The following R3HCC1L variants were observed in gnomAD, a reference collection of about 807,000 sequenced individuals.
The protein encoded by R3HCC1L is R3H domain and coiled-coil containing 1 like.
A neutral mutation model predicts 59.9 loss-of-function variants in R3HCC1L; 51 were observed. The ratio of observed to expected loss-of-function variants is 0.85; its 90% CI spans 0.68 to 1.07. The LOEUF (loss-of-function observed/expected upper bound fraction) is 1.07, where lower values mean the gene tolerates loss of function less well. R3HCC1L is among the 50% of genes least tolerant of loss of function. The pLI, the probability that R3HCC1L is intolerant of heterozygous loss-of-function variation, is 0.00. For synonymous variants in R3HCC1L, 322 were observed against 315.2 expected, an observed-to-expected ratio of 1.02 and a Z score of -0.23; for missense variants, 965 against 933.0, an observed-to-expected ratio of 1.03 and a Z score of -0.45.
intron 2 of R3HCC1L, among the ~76,000 whole-genome samples, chr10:98,162,670 GTT>G (rs1192536749): frequency 2.7e-5 from 4 of 147,636 alleles, no homozygotes; most frequent in East Asian, 1.9e-4. Flanking sequence ...GTGTGTGTGT[GTT>G]TGTGTGTGTG....
At position 98,142,800 on chromosome 10, in the gene R3HCC1L, C is replaced by T. The variant is rs537068858; in HGVS notation, c.-268+8094C>T. On this transcript the variant is annotated intron_variant, in intron 1 of 9. Coordinates refer to ENST00000298999, the MANE Select transcript of R3HCC1L (RefSeq NM_001351015.2). ...AAATACAAAAATTAGCCAGGTCTGGCGACATGTGCCTGTAGTCCCAGCTAC... is the reference window on the plus strand; with the variant it reads ...AAATACAAAAATTAGCCAGGTCTGGTGACATGTGCCTGTAGTCCCAGCTAC... Among the ~76,000 whole-genome samples the T allele has an allele frequency of 5.3e-5, 8 of 151,736 alleles. No individual in the cohort carries two copies. The East Asian group carries it at 7.8e-4, about 15-fold the overall frequency.
intron 4 of R3HCC1L, among the ~76,000 whole-genome samples, chr10:98,164,643 C>T (rs942138726): frequency 3.9e-5 from 6 of 152,054 alleles, no homozygotes; most frequent in Non-Finnish European, 8.8e-5. Flanking sequence ...AAATGCTGTA[C>T]TAACACACTG....
chr10:98,174,470 G>A (rs1848801861), intron 4 of R3HCC1L: 1 of 678,048 alleles, frequency 1.5e-6, no homozygotes, highest in Non-Finnish European at 1.8e-6. Context: ...GCATATGAAA[G>A]ATACTATCTG....
intron 1 of R3HCC1L, among the ~76,000 whole-genome samples, chr10:98,149,761 A>G (rs541266611): frequency 2.4e-4 from 36 of 152,284 alleles, no homozygotes; most frequent in African/African-American, 7.5e-4. Context: ...AGAATGTTCC[A>G]TGTCTGGATG....
intron 5 of R3HCC1L, chr10:98,231,007 G>A (rs1252290470): frequency 2.4e-6 from 1 of 415,050 alleles, no homozygotes; most frequent in East Asian, 7.1e-5. Context: ...TTTGTAAGCT[G>A]TCTCCTCACC....
At chr10:98,212,370 C>CA (rs1189595972) in intron 5 of R3HCC1L, among the ~76,000 whole-genome samples, 12 of 152,280 alleles carry the variant, frequency 7.9e-5, no homozygotes, top group African/African-American at 2.9e-4. Flanking sequence ...AGCAGCTAGA[C>CA]ATATGGAGGT....
At chr10:98,142,288 A>G (rs768969043) in intron 1 of R3HCC1L, among the ~76,000 whole-genome samples, 2 of 152,174 alleles carry the variant, frequency 1.3e-5, no homozygotes, top group Non-Finnish European at 1.5e-5. Context: ...AATAAACAAA[A>G]TCAACTCATG....
intron 4 of R3HCC1L, among the ~76,000 whole-genome samples, chr10:98,196,352 A>G (rs1470939174): frequency 2.0e-5 from 3 of 152,152 alleles, no homozygotes; most frequent in African/African-American, 7.2e-5. Context: ...AAGCCATTCC[A>G]GTGTTAACGA....
chr10:98,228,415 C>G (rs550163096), intron 5 of R3HCC1L, among the ~76,000 whole-genome samples: 361 of 152,278 alleles, frequency 2.4e-3, no homozygotes, highest in Non-Finnish European at 4.5e-3. Flanking sequence ...CCTTCGCCCA[C>G]TTGTTGATGG....
intron 5 of R3HCC1L, among the ~76,000 whole-genome samples, chr10:98,228,404 T>A (rs906861450): frequency 6.6e-6 from 1 of 152,258 alleles, no homozygotes; most frequent in Non-Finnish European, 1.5e-5. Context: ...TCTGTTCATA[T>A]CCTTCGCCCA....
rs149404575 is a variant in R3HCC1L at position 98,209,156 on chromosome 10, G to A, written c.1042G>A (p.Glu348Lys). ...STADELHVKH[E>K]PPDTAVLAHE... ...TGCTGATGAGTTACATGTAAAGCAC[G>A]AACCTCCTGATACAGCTGTCCTTGC... The change falls in exon 5 of 10, where the codon GAA (glutamate) becomes AAA (lysine). Residue 348 changes from glutamate (E) to lysine (K), a missense_variant. Coordinates refer to ENST00000298999, the MANE Select transcript of R3HCC1L (RefSeq NM_001351015.2). The A allele has an allele frequency of 1.9e-5, 31 of 1,613,798 alleles. No individual in the cohort carries two copies. The highest frequency in any genetic ancestry group is 2.2e-5 in the Non-Finnish European group (26 of 1,179,976).
intron 6 of R3HCC1L, among the ~76,000 whole-genome samples, chr10:98,232,828 T>G (rs1488851427): frequency 6.6e-6 from 1 of 152,196 alleles, no homozygotes; most frequent in Non-Finnish European, 1.5e-5. Context: ...GGCTGTAAAC[T>G]AAAACTTTAT....
At chr10:98,151,677 C>T (rs1392697962) in intron 1 of R3HCC1L, among the ~76,000 whole-genome samples, 1 of 151,798 alleles carries the variant, frequency 6.6e-6, no homozygotes, top group Non-Finnish European at 1.5e-5. Context: ...TAGAGAAGAG[C>T]AGAAAAGACT....
At chr10:98,196,923 C>CT (rs1466618272) in intron 4 of R3HCC1L, among the ~76,000 whole-genome samples, 2 of 152,024 alleles carry the variant, frequency 1.3e-5, no homozygotes, top group Non-Finnish European at 2.9e-5. Context: ...TCCGCCCCTT[C>CT]TTTTTTTTCT....
intron 4 of R3HCC1L, among the ~76,000 whole-genome samples, chr10:98,193,442 C>A (rs186669544): frequency 2.0e-5 from 3 of 152,084 alleles, no homozygotes; most frequent in South Asian, 2.1e-4. Context: ...GATACAAAAT[C>A]AACTCTCCAA....
At chr10:98,236,220 T>C (rs1302541255) in intron 9 of R3HCC1L, 56 bp downstream of exon 9, 2 of 1,579,774 alleles carry the variant, frequency 1.3e-6, no homozygotes, top group Non-Finnish European at 1.7e-6. Flanking sequence ...CTGTAAGGCA[T>C]GTGTTTAAAA....
At chr10:98,171,783 A>G (rs1026959552) in intron 4 of R3HCC1L, among the ~76,000 whole-genome samples, 2 of 152,190 alleles carry the variant, frequency 1.3e-5, no homozygotes, top group African/African-American at 4.8e-5. Context: ...CTTTGACACA[A>G]CATTCGATTA....
chr10:98,191,940 TCAGC>T (rs1163391299), intron 4 of R3HCC1L, among the ~76,000 whole-genome samples: 1 of 152,136 alleles, frequency 6.6e-6, no homozygotes, highest in East Asian at 1.9e-4. Context: ...TTCTTCTACT[TCAGC>T]CTTCCAAGTA....
intron 5 of R3HCC1L, chr10:98,211,386 A>C: frequency 6.6e-7 from 1 of 1,510,484 alleles, no homozygotes; most frequent in Non-Finnish European, 8.8e-7. Flanking sequence ...GTGAGTAGGG[A>C]ACTGCAAATG....
Sources: allele counts gnomAD v4.1 joint callset (sites outside exome capture counted in the v4.1 genomes callset), GRCh38; gene constraint gnomAD v4.1.1; transcripts MANE v1.5; gene names NCBI Gene and HGNC (gene_info 2026-07-23, HGNC 2026-07-21).